NLGN1: variants seen among roughly 807,000 people sequenced by gnomAD.
NLGN1 encodes neuroligin 1.
Under a neutral mutation model 65.5 loss-of-function variants are expected in NLGN1, and 12 were observed. That is an observed-to-expected ratio of 0.18 (90% CI 0.12 to 0.30). The LOEUF is 0.30. Among genes scored for constraint, NLGN1 ranks in the 10% least tolerant of loss-of-function variants. NLGN1 has a pLI of 1.00. For missense variants in NLGN1, 750 were observed against 1,007.1 expected (o/e 0.74, Z 3.46); for synonymous variants, 350 against 359.5 (o/e 0.97, Z 0.30).
intron 3 of NLGN1, among the ~76,000 whole-genome samples, chr3:173,632,139 G>C (rs1755787238): frequency 6.6e-6 from 1 of 152,140 alleles, no homozygotes; most frequent in Non-Finnish European, 1.5e-5. Context: ...GAGCATTCCA[G>C]ATTGTAGGGA....
chr3:174,198,257 T>C (rs968209230), intron 4 of NLGN1, among the ~76,000 whole-genome samples: 2 of 152,228 alleles, frequency 1.3e-5, no homozygotes, highest in African/African-American at 4.8e-5. Context: ...CGTGCAGTTT[T>C]ATTTTACTAA....
chr3:174,259,634 A>G (rs2152855933), intron 4 of NLGN1, among the ~76,000 whole-genome samples: 2 of 152,268 alleles, frequency 1.3e-5, no homozygotes, highest in African/African-American at 4.8e-5. Context: ...TTCAATTCTA[A>G]GAAACTACCT....
intron 4 of NLGN1, among the ~76,000 whole-genome samples, chr3:173,976,152 A>G (rs1052699496): frequency 1.3e-5 from 2 of 152,044 alleles, no homozygotes; most frequent in African/African-American, 4.8e-5. Context: ...ATGTTGCAAA[A>G]TGTATTGCTC....
chr3:174,016,508 A>G (rs1726582914), intron 4 of NLGN1, among the ~76,000 whole-genome samples: 1 of 152,164 alleles, frequency 6.6e-6, no homozygotes, highest in Admixed American at 6.6e-5. Context: ...GAGACCAGCA[A>G]CCATCGCTGG....
intron 2 of NLGN1, among the ~76,000 whole-genome samples, chr3:173,443,261 T>A (rs1238884519): frequency 6.7e-6 from 1 of 149,308 alleles, no homozygotes; most frequent in Non-Finnish European, 1.5e-5. Flanking sequence ...AGAAGTTTTT[T>A]AAAAAAATTG....
intron 2 of NLGN1, among the ~76,000 whole-genome samples, chr3:173,506,951 T>G (rs1053247364): frequency 2.0e-5 from 3 of 152,166 alleles, no homozygotes; most frequent in African/African-American, 7.2e-5. Context: ...GTTGTAACAC[T>G]TGGTTTTTCA....
At chr3:174,107,385 A>C (rs1714181586) in intron 4 of NLGN1, among the ~76,000 whole-genome samples, 1 of 152,146 alleles carries the variant, frequency 6.6e-6, no homozygotes. Flanking sequence ...AAAGTAAATA[A>C]GACAAAGTAA....
intron 2 of NLGN1, among the ~76,000 whole-genome samples, chr3:173,595,937 G>A (rs953678793): frequency 1.1e-4 from 16 of 152,202 alleles, no homozygotes; most frequent in African/African-American, 3.9e-4. Flanking sequence ...CCCACAACAC[G>A]TGGGAATTAT....
intron 4 of NLGN1, among the ~76,000 whole-genome samples, chr3:174,078,985 G>A (rs911315142): frequency 1.3e-5 from 2 of 151,656 alleles, no homozygotes; most frequent in African/African-American, 4.9e-5. Flanking sequence ...CACAAGTACC[G>A]TAATACAACG....
intron 1 of NLGN1, among the ~76,000 whole-genome samples, chr3:173,418,855 A>G (rs754352214): frequency 1.8e-4 from 27 of 151,958 alleles, no homozygotes; most frequent in Non-Finnish European, 3.7e-4. Flanking sequence ...GTTATTAAGT[A>G]TGATATAAGG....
At chr3:173,645,514 T>C (rs571162207) in intron 3 of NLGN1, among the ~76,000 whole-genome samples, 8 of 152,224 alleles carry the variant, frequency 5.3e-5, no homozygotes, top group African/African-American at 1.9e-4. Flanking sequence ...GCTGTGGCAG[T>C]GTCTCCTCTC....
intron 4 of NLGN1, among the ~76,000 whole-genome samples, chr3:173,940,485 T>G (rs1217143236): frequency 6.6e-6 from 1 of 152,222 alleles, no homozygotes; most frequent in Non-Finnish European, 1.5e-5. Flanking sequence ...AACACCAGTT[T>G]ATCTTTCCTC....
chr3:174,152,345 AAAAC>A (rs565575986), intron 4 of NLGN1, among the ~76,000 whole-genome samples: 1 of 152,134 alleles, frequency 6.6e-6, no homozygotes, highest in African/African-American at 2.4e-5. Flanking sequence ...TTCACAAGGA[AAAAC>A]AAACAGATGT....
intron 4 of NLGN1, among the ~76,000 whole-genome samples, chr3:174,270,131 T>C (rs1469515134): frequency 6.7e-6 from 1 of 150,062 alleles, no homozygotes; most frequent in East Asian, 1.9e-4. Context: ...CTTTCTTTTT[T>C]TTTTTTTTTT....
intron 3 of NLGN1, among the ~76,000 whole-genome samples, chr3:173,718,872 G>A (rs1432574890): frequency 6.6e-6 from 1 of 152,128 alleles, no homozygotes. Context: ...ATAATGTGTA[G>A]GTTTTATGAT....
intron 4 of NLGN1, among the ~76,000 whole-genome samples, chr3:173,872,098 C>T (rs532926938): frequency 3.3e-5 from 5 of 152,078 alleles, no homozygotes; most frequent in South Asian, 2.1e-4. Context: ...CTGGAAAGCA[C>T]GCGCCTCATG....
intron 4 of NLGN1, among the ~76,000 whole-genome samples, chr3:174,239,164 G>A (rs1418659741): frequency 1.3e-5 from 2 of 152,122 alleles, no homozygotes; most frequent in South Asian, 2.1e-4. Flanking sequence ...CGCCTCCCGG[G>A]TTCAAGTGAT....
intron 3 of NLGN1, among the ~76,000 whole-genome samples, chr3:173,732,243 C>T (rs1185865001): frequency 6.6e-6 from 1 of 152,046 alleles, no homozygotes; most frequent in Non-Finnish European, 1.5e-5. Context: ...GTGACACATT[C>T]TTAATTATAA....
At chr3:174,081,601 T>G (rs1053156551) in intron 4 of NLGN1, among the ~76,000 whole-genome samples, 5 of 148,820 alleles carry the variant, frequency 3.4e-5, no homozygotes, top group Admixed American at 1.3e-4. Flanking sequence ...TAGGTTGTTT[T>G]TTTTTTTTTT....
Sources: gnomAD v4.1 joint callset for allele counts (sites outside exome capture counted in the v4.1 genomes callset) on GRCh38, gnomAD v4.1.1 for gene constraint, MANE v1.5 for transcripts, NCBI Gene and HGNC (gene_info 2026-07-23, HGNC 2026-07-21) for gene names.